PRH1: variants seen among roughly 807,000 people sequenced by gnomAD.
PRH1 encodes proline rich protein HaeIII subfamily 1.
Under a neutral mutation model 7.9 loss-of-function variants are expected in PRH1, and 7 were observed. The observed-to-expected ratio is 0.89, with a 90% CI of 0.50 to 1.67. The LOEUF (loss-of-function observed/expected upper bound fraction) is 1.67, where lower values mean the gene tolerates loss of function less well. Ranked by LOEUF, PRH1 falls within the 40% of genes most tolerant of loss-of-function variation. The pLI is 0.00. For synonymous variants in PRH1, 45 were observed against 80.8 expected, an observed-to-expected ratio of 0.56 and a Z score of 2.38; for missense variants, 109 against 223.6, an observed-to-expected ratio of 0.49 and a Z score of 3.27.
chr12:10,912,605 G>A (rs1034402879), intron 2 of PRH1, among the ~76,000 whole-genome samples: 11 of 151,488 alleles, frequency 7.3e-5, no homozygotes, highest in African/African-American at 2.4e-4. Context: ...TTTTACTTCC[G>A]TTGAGTATGT....
intron 1 of PRH1, among the ~76,000 whole-genome samples, chr12:11,041,682 T>G (rs1172958436): frequency 6.6e-6 from 1 of 152,196 alleles, no homozygotes; most frequent in Non-Finnish European, 1.5e-5. Context: ...TAAACATTCT[T>G]TTCCTCAGCA....
rs1207207277 is a variant in PRH1, at chr12:10,930,201, G to A, written c.-59+43454C>T. 1.6e-5 allele frequency: 25 copies of A among 1,552,544 alleles called. No homozygotes were observed. In the East Asian group the frequency reaches 1.8e-4, roughly 11 times the overall value. ...GTGTGATCAGAGGTCCTTTATCCTC[G>A]TAGAACACTATGAGCTCTGAATGAT... On this transcript the variant is annotated intron_variant, in intron 2 of 3. Coordinates refer to the PRH1 transcript ENST00000539853.
chr12:10,932,920 A>G (rs1950234691), intron 2 of PRH1, among the ~76,000 whole-genome samples: 1 of 152,202 alleles, frequency 6.6e-6, no homozygotes, highest in Non-Finnish European at 1.5e-5. Flanking sequence ...AAAAGTAAGC[A>G]ATGAGCTCAA....
chr12:11,070,446 T>C (rs1459036977), intron 1 of PRH1, among the ~76,000 whole-genome samples: 1 of 81,494 alleles, frequency 1.2e-5, no homozygotes, highest in Admixed American at 1.3e-4. Context: ...CCCAGAAGTA[T>C]ACCAACATAT....
chr12:10,895,910 A>G (rs991474107), intron 2 of PRH1: 2 of 152,192 alleles, frequency 1.3e-5, no homozygotes, highest in Admixed American at 1.3e-4. Context: ...TCTGCCTTCA[A>G]TACACCATTG....
intron 1 of PRH1, among the ~76,000 whole-genome samples, chr12:11,156,532 C>T (rs1279224080): frequency 1.3e-5 from 2 of 152,104 alleles, no homozygotes; most frequent in Admixed American, 6.5e-5. Flanking sequence ...TGTATTTTTC[C>T]ATCTCTTTGT....
At chr12:10,897,404 T>C (rs1949663384) in intron 2 of PRH1, among the ~76,000 whole-genome samples, 1 of 152,196 alleles carries the variant, frequency 6.6e-6, no homozygotes, top group Non-Finnish European at 1.5e-5. Context: ...TTGCCCCCAG[T>C]TGTTCATAAC....
chr12:11,147,030 C>A (rs1946882232), intron 1 of PRH1, among the ~76,000 whole-genome samples: 1 of 152,136 alleles, frequency 6.6e-6, no homozygotes, highest in Admixed American at 6.5e-5. Flanking sequence ...GTTTTCTTGC[C>A]TATCTCCGAA....
chr12:11,055,806 T>C (rs926160858), intron 1 of PRH1, among the ~76,000 whole-genome samples: 4 of 152,256 alleles, frequency 2.6e-5, no homozygotes, highest in Non-Finnish European at 5.9e-5. Context: ...GCCTACACTG[T>C]TATATGCAGC....
At chr12:11,027,939 C>A (rs1314173502) in intron 1 of PRH1, among the ~76,000 whole-genome samples, 1 of 152,148 alleles carries the variant, frequency 6.6e-6, no homozygotes, top group African/African-American at 2.4e-5. Context: ...AGCACAAAAC[C>A]CTATGCAACT....
chr12:10,989,939 T>C (rs1348634272), intron 1 of PRH1, among the ~76,000 whole-genome samples: 1 of 152,216 alleles, frequency 6.6e-6, no homozygotes, highest in Admixed American at 6.5e-5. Flanking sequence ...CTGTGGCATT[T>C]GTTTTTAATT....
At chr12:11,144,609 G>A (rs1414464270) in intron 1 of PRH1, among the ~76,000 whole-genome samples, 9 of 152,188 alleles carry the variant, frequency 5.9e-5, no homozygotes, top group Non-Finnish European at 1.3e-4. Flanking sequence ...TTCTGGCCAG[G>A]AGGCTTCTTG....
intron 2 of PRH1, among the ~76,000 whole-genome samples, chr12:10,953,925 C>T (rs1937817708): frequency 6.6e-6 from 1 of 152,164 alleles, no homozygotes; most frequent in Non-Finnish European, 1.5e-5. Flanking sequence ...TTAGCAGAAA[C>T]TCTACAACCA....
chr12:11,073,371 T>C (rs1345981147), intron 1 of PRH1, among the ~76,000 whole-genome samples: 11 of 124,734 alleles, frequency 8.8e-5, no homozygotes, highest in African/African-American at 2.5e-4. Context: ...TGGCCTCAAG[T>C]GATCTGCCCA....
intron 1 of PRH1, among the ~76,000 whole-genome samples, chr12:11,090,915 T>C (rs1318976607): frequency 1.8e-5 from 2 of 111,084 alleles, no homozygotes; most frequent in South Asian, 4.9e-4. Flanking sequence ...GATAAGCTCT[T>C]ACTTCTTAAT....
At chr12:11,143,430 A>G (rs924349677) in intron 1 of PRH1, among the ~76,000 whole-genome samples, 7 of 152,198 alleles carry the variant, frequency 4.6e-5, no homozygotes, top group Non-Finnish European at 1.5e-5. Flanking sequence ...TCACTAAAGA[A>G]AGATAGGAAG....
At chr12:11,001,879 G>C (rs1181487133) in intron 1 of PRH1, among the ~76,000 whole-genome samples, 1 of 152,082 alleles carries the variant, frequency 6.6e-6, no homozygotes, top group Non-Finnish European at 1.5e-5. Context: ...TCAATAAAAT[G>C]TGGAAAGGTT....
At chr12:10,995,328 T>C (rs1374408447) in intron 1 of PRH1, among the ~76,000 whole-genome samples, 2 of 152,206 alleles carry the variant, frequency 1.3e-5, no homozygotes, top group African/African-American at 4.8e-5. Flanking sequence ...AGGTAAGATA[T>C]ATGATAAACA....
At chr12:11,102,823 A>G (rs374872655) in intron 1 of PRH1, among the ~76,000 whole-genome samples, 2 of 152,170 alleles carry the variant, frequency 1.3e-5, no homozygotes, top group Non-Finnish European at 2.9e-5. Context: ...GAATCTACAA[A>G]GAACTTAAAC....
Sources: allele counts gnomAD v4.1 joint callset (sites outside exome capture counted in the v4.1 genomes callset), GRCh38; gene constraint gnomAD v4.1.1; transcripts MANE v1.5; gene names NCBI Gene and HGNC (gene_info 2026-07-23, HGNC 2026-07-21).